Variants in GLP1R observed in about 807,000 individuals in gnomAD.
GLP1R encodes glucagon like peptide 1 receptor, also known as glucagon-like peptide 1 receptor.
GLP1R carries 32 observed loss-of-function variants against 68.4 expected under a neutral mutation model. The ratio of observed to expected loss-of-function variants is 0.47; its 90% CI spans 0.35 to 0.63. The LOEUF (loss-of-function observed/expected upper bound fraction) is 0.63, where lower values mean the gene tolerates loss of function less well. GLP1R is among the 20% of genes least tolerant of loss of function. The pLI is 0.00. For missense variants in GLP1R, 502 were observed against 594.9 expected, an observed-to-expected ratio of 0.84 and a Z score of 1.62; for synonymous variants, 263 against 244.4, an observed-to-expected ratio of 1.08 and a Z score of -0.71.
In GLP1R at chr6:39,073,031, A is replaced by T. The variant is rs200700450; in HGVS notation, c.663+16A>T. ...CTCCTACCAGGTGTGTGGTGCATCC[A>T]GGACCGCCTCAGGAGGGATGGGCGG... On this transcript the variant is annotated intron_variant, in intron 6 of 12. Transcript: ENST00000373256. The T allele has an allele frequency of 1.2e-6, 2 of 1,611,962 alleles. No homozygotes were observed. The highest frequency in any genetic ancestry group is 1.7e-6 in the Non-Finnish European group (2 of 1,178,774).
intron 1 of GLP1R, among the ~76,000 whole-genome samples, chr6:39,055,418 C>T (rs772028483): frequency 3.9e-5 from 6 of 152,096 alleles, no homozygotes; most frequent in Non-Finnish European, 8.8e-5. Flanking sequence ...CTAAAAAGAA[C>T]GACAACCCCA....
At position 39,049,519 on chromosome 6, in the gene GLP1R, C is replaced by T. The variant is rs1562000480; in HGVS notation, c.78+601C>T. ...CAGCTTGTCCTTCCCAGTGACCTCCCAGATGGAACCTACCCCCCGTCCCCT... is the reference window on the plus strand; with the variant it reads ...CAGCTTGTCCTTCCCAGTGACCTCCTAGATGGAACCTACCCCCCGTCCCCT... On this transcript the variant is annotated intron_variant, in intron 1 of 12. Coordinates refer to ENST00000373256, the MANE Select transcript of GLP1R (RefSeq NM_002062.5). The surrounding 1 kb of genome is among the most constrained non-coding windows in gnomAD (Gnocchi z 4.5). Among the ~76,000 whole-genome samples the T allele has an allele frequency of 6.6e-6, 1 of 152,114 alleles. No individual in the cohort carries two copies. Among genetic ancestry groups the T allele is most frequent in the Non-Finnish European group, 1.5e-5 (1 of 68,006 alleles).
rs1268052644 is a variant in GLP1R at position 39,066,236 on chromosome 6, T to C, written c.442T>C (p.Tyr148His). The change falls in exon 5 of 13, where the codon TAC becomes CAC. Residue 148 changes from tyrosine (Y) to histidine (H), a missense_variant. Tyr to His is a moderately conservative substitution (Grantham distance 83). Coordinates refer to ENST00000373256, the MANE Select transcript of GLP1R (RefSeq NM_002062.5). ...GCAGCTCCTGTTCCTCTACATCATC[T>C]ACACGGTGGGCTACGCACTCTCCTT... ...EEQLLFLYII[Y>H]TVGYALSFSA... 6.2e-7 allele frequency: 1 copy of C among 1,613,142 alleles called. No homozygotes were observed. The highest frequency in any genetic ancestry group is 2.2e-5 in the East Asian group (1 of 44,866).
chr6:39,048,872 C>A lies in GLP1R; in HGVS notation c.32C>A (p.Ala11Glu), dbSNP rs1768022624. Residue 11 changes from alanine to glutamate, a missense_variant, in exon 1 of 13, where the codon GCG (alanine) becomes GAG (glutamate). By Grantham distance (107) the Ala-to-Glu change is moderately radical. Coordinates refer to ENST00000373256, the MANE Select transcript of GLP1R (RefSeq NM_002062.5). Reference protein sequence around the residue: MAGAPGPLRLALLLLGMVGRA... With the variant: MAGAPGPLRLELLLLGMVGRA... ...GGCGCCCCCGGCCCGCTGCGCCTTG[C>A]GCTGCTGCTGCTCGGGATGGTGGGC... 1.3e-6 allele frequency: 2 copies of A among 1,498,306 alleles called. No individual in the cohort carries two copies. Among genetic ancestry groups the A allele is most frequent in the East Asian group, 2.8e-5 (1 of 35,504 alleles). 92.8% of individuals were successfully genotyped at this position (1,498,306 alleles called of 1,614,324 possible). A position where few individuals can be genotyped will look rare whatever the true frequency, so the allele number is the denominator to read the frequency against.
At position 39,054,304 on chromosome 6, in the gene GLP1R, G is replaced by A. The variant is rs542353628; in HGVS notation, c.79-2093G>A. On this transcript the variant is annotated intron_variant, in intron 1 of 12. Transcript: ENST00000373256. ...GTTATGGTTTCTGTAAATACGAGGC[G>A]TGGGAGAGGCCAGAAGTCTGGGTAG... Among the ~76,000 whole-genome samples, 11 of 152,172 alleles carry A rather than the reference G, an allele frequency of 7.2e-5. 1 individual carries two copies. In the South Asian group the frequency reaches 2.1e-3, roughly 29 times the overall value.
chr6:39,066,149 G>A (rs758744170), intron 4 of GLP1R, 48 bp from the exon 5 acceptor site: 1 of 1,054,086 alleles, frequency 9.5e-7, no homozygotes, highest in Non-Finnish European at 1.5e-6. Flanking sequence ...ATTGTGGGAA[G>A]AGGGCCATGG....
intron 12 of GLP1R, among the ~76,000 whole-genome samples, chr6:39,082,110 GT>G: frequency 6.6e-6 from 1 of 152,254 alleles, no homozygotes; most frequent in Non-Finnish European, 1.5e-5. Context: ...ATGAGGCTGG[GT>G]GAAAGGGAAG....
chr6:39,086,106 C>T lies in GLP1R; in HGVS notation c.*33C>T. ...GCGCCTGCCCTCCCTGGGGTCCTTG[C>T]TGCAGGCCGGGTGGCCAATCCAGGT... On this transcript the variant is annotated 3_prime_UTR_variant, in exon 13 of 13. Transcript: ENST00000373256. This position sits in a 1 kb window ranked among gnomAD's most constrained non-coding sequence, Gnocchi z 4.5. The T allele has an allele frequency of 1.2e-6, 2 of 1,604,104 alleles. No homozygotes were observed. The highest frequency in any genetic ancestry group is 2.2e-5 in the East Asian group (1 of 44,740).
chr6:39,073,579 T>G, intron 6 of GLP1R, 31 bp from the exon 7 acceptor site: 1 of 1,605,410 alleles, frequency 6.2e-7, no homozygotes, highest in Non-Finnish European at 8.5e-7. Context: ...GCAGAGCTGT[T>G]GTCCCCATGA....
At chr6:39,050,630 G>A (rs549677061) in intron 1 of GLP1R, among the ~76,000 whole-genome samples, 10 of 152,268 alleles carry the variant, frequency 6.6e-5, no homozygotes, top group South Asian at 2.1e-4. Flanking sequence ...ATGGGAAACT[G>A]AGCTGCCACA....
Position 39,073,618 on chromosome 6 carries a change from G to A in GLP1R, c.672G>A (p.Leu224=). ...CCTTCCTCTACCCCCAGGACTCTCTGAGCTGCCGCCTGGTGTTTCTGCTCA... is the reference window on the plus strand; with the variant it reads ...CCTTCCTCTACCCCCAGGACTCTCTAAGCTGCCGCCTGGTGTTTCTGCTCA... ...WDGLLSYQDS[L]SCRLVFLLMQ... Residue 224 remains leucine, a synonymous_variant, in exon 7 of 13, where the codon CTG becomes CTA. Transcript: ENST00000373256. 6.2e-7 allele frequency: 1 copy of A among 1,613,808 alleles called. No homozygotes were observed. Among genetic ancestry groups the A allele is most frequent in the Non-Finnish European group, 8.5e-7 (1 of 1,179,886 alleles).
chr6:39,071,312 C>T (rs1038985895), intron 5 of GLP1R, among the ~76,000 whole-genome samples: 2 of 135,184 alleles, frequency 1.5e-5, no homozygotes, highest in Non-Finnish European at 3.0e-5. Flanking sequence ...CGTCACTGCA[C>T]TCCAGCTTGG....
chr6:39,068,587 C>T (rs1292194053), intron 5 of GLP1R, among the ~76,000 whole-genome samples: 3 of 152,220 alleles, frequency 2.0e-5, no homozygotes, highest in African/African-American at 7.2e-5. Context: ...CCCTACAGCT[C>T]GTGCACTCTG....
intron 3 of GLP1R, among the ~76,000 whole-genome samples, chr6:39,063,434 T>TA (rs1768398327): frequency 6.6e-6 from 1 of 152,180 alleles, no homozygotes; most frequent in African/African-American, 2.4e-5. Context: ...ATTTTGTTCA[T>TA]AAATGCGTTC....
chr6:39,061,113 C>T lies in GLP1R; in HGVS notation c.283+3534C>T, dbSNP rs371466697. Among the ~76,000 whole-genome samples the T allele has an allele frequency of 7.7e-4, 117 of 152,318 alleles. 1 individual carries two copies. The South Asian group carries it at 0.023, about 30-fold the overall frequency. The stretch of plus-strand genomic sequence containing the variant: ...GGACATGGGGCCAGGCCACGGGCCT[C>T]GGAACTACGCAGTGTCCTGGAGAAG... On this transcript the variant is annotated intron_variant, in intron 3 of 12. Coordinates refer to ENST00000373256, the MANE Select transcript of GLP1R (RefSeq NM_002062.5).
chr6:39,083,184 C>T (rs893501380), intron 12 of GLP1R, among the ~76,000 whole-genome samples: 22 of 152,218 alleles, frequency 1.4e-4, no homozygotes, highest in African/African-American at 3.9e-4. Context: ...CAGGCTAGTG[C>T]CACGGGGTCC....
At chr6:39,054,351 G>A (rs1768161858) in intron 1 of GLP1R, among the ~76,000 whole-genome samples, 1 of 152,086 alleles carries the variant, frequency 6.6e-6, no homozygotes, top group Non-Finnish European at 1.5e-5. Context: ...TGTGCCTGCA[G>A]GGGTGGGATG....
chr6:39,056,609 C>A, intron 2 of GLP1R, 116 bp downstream of exon 2: 1 of 601,890 alleles, frequency 1.7e-6, no homozygotes. Flanking sequence ...GATGCCACCC[C>A]TGCCCTCTGC....
intron 5 of GLP1R, among the ~76,000 whole-genome samples, chr6:39,069,300 C>G (rs1255404765): frequency 6.6e-6 from 1 of 152,160 alleles, no homozygotes; most frequent in Non-Finnish European, 1.5e-5. Context: ...ATATTTCTAC[C>G]ATTATTATGT....
Sources: gnomAD v4.1 joint callset for allele counts (sites outside exome capture counted in the v4.1 genomes callset) on GRCh38, gnomAD v4.1.1 for gene constraint, Gnocchi (gnomAD v3.1) non-coding constraint, MANE v1.5 for transcripts, NCBI Gene and HGNC (gene_info 2026-07-23, HGNC 2026-07-21) for gene names.